Variants in TNFRSF10B observed in about 807,000 individuals in gnomAD.
TNFRSF10B encodes TNF receptor superfamily member 10b.
A neutral mutation model predicts 41.4 loss-of-function variants in TNFRSF10B; 35 were observed. The observed-to-expected ratio is 0.85, with a 90% CI of 0.65 to 1.12. The LOEUF (loss-of-function observed/expected upper bound fraction) is 1.12. Ranked by LOEUF, TNFRSF10B falls within the 50% of genes most tolerant of loss-of-function variation. The pLI, the probability that TNFRSF10B is intolerant of heterozygous loss-of-function variation, is 0.00. For missense variants in TNFRSF10B, 584 were observed against 552.7 expected, an observed-to-expected ratio of 1.06 and a Z score of -0.57; for synonymous variants, 230 against 215.5, an observed-to-expected ratio of 1.07 and a Z score of -0.59.
chr8:23,042,198 G>A (rs2128815547), intron 2 of TNFRSF10B, among the ~76,000 whole-genome samples: 1 of 152,340 alleles, frequency 6.6e-6, no homozygotes, highest in South Asian at 2.1e-4. Context: ...GTTTGTGTCT[G>A]CTTCACGCTG....
intron 1 of TNFRSF10B, among the ~76,000 whole-genome samples, chr8:23,051,131 T>G (rs749427248): frequency 1.6e-4 from 25 of 152,270 alleles, no homozygotes; most frequent in Admixed American, 3.3e-4. Flanking sequence ...CACTTATGTA[T>G]TTGTCTTGTG....
intron 1 of TNFRSF10B, among the ~76,000 whole-genome samples, chr8:23,063,111 G>T (rs1812877829): frequency 6.6e-6 from 1 of 152,154 alleles, no homozygotes; most frequent in Non-Finnish European, 1.5e-5. Context: ...CACTTTGGGA[G>T]GCCAAGGCGG....
intron 2 of TNFRSF10B, among the ~76,000 whole-genome samples, chr8:23,034,851 G>A (rs1261346862): frequency 2.6e-5 from 4 of 152,366 alleles, no homozygotes; most frequent in African/African-American, 7.2e-5. Context: ...TTTGGCCTGT[G>A]CCAAAGACAG....
chr8:23,049,070 T>A (rs1812445726), intron 1 of TNFRSF10B, among the ~76,000 whole-genome samples: 1 of 152,082 alleles, frequency 6.6e-6, no homozygotes, highest in Admixed American at 6.5e-5. Context: ...AAATAACAAG[T>A]GCTGGTGAGG....
intron 1 of TNFRSF10B, among the ~76,000 whole-genome samples, chr8:23,050,504 C>T (rs536699736): frequency 2.0e-5 from 3 of 152,094 alleles, no homozygotes; most frequent in South Asian, 2.1e-4. Flanking sequence ...AAAAGGCCTT[C>T]GTGTTTTTGG....
At chr8:23,060,833 A>G (rs1356328529) in intron 1 of TNFRSF10B, among the ~76,000 whole-genome samples, 1 of 152,120 alleles carries the variant, frequency 6.6e-6, no homozygotes, top group Non-Finnish European at 1.5e-5. Flanking sequence ...TTTTCATTGT[A>G]CTAGTCTTCC....
Position 23,020,354 on chromosome 8 carries a change from T to A in TNFRSF10B, c.*2317A>T. ...GGGATATAGCAAAGCCTAATGTAAC[T>A]AAACAACAAAACCCCCAATTATTTC... On this transcript the variant is annotated 3_prime_UTR_variant, in exon 9 of 9. Transcript: ENST00000276431. 1 of 454,040 alleles carries A rather than the reference T, an allele frequency of 2.2e-6. No homozygotes were observed. The highest frequency in any genetic ancestry group is 2.0e-5 in the African/African-American group (1 of 50,096). 28.1% of individuals were successfully genotyped at this position (454,040 alleles called of 1,614,324 possible).
chr8:23,021,720 T>C lies in TNFRSF10B; in HGVS notation c.*951A>G, dbSNP rs1811527856. The C allele has an allele frequency of 6.6e-6, 3 of 454,142 alleles. No homozygotes were observed. The highest frequency in any genetic ancestry group is 1.3e-5 in the Non-Finnish European group (3 of 226,788). The allele number at this position is 454,142 out of a possible 1,614,324, so 28.1% of individuals were successfully genotyped here. ...CAACTACCTATAAATAATACTCATA[T>C]ACTTGTAAGGTTGTCCAGTTCAAAA... On this transcript the variant is annotated 3_prime_UTR_variant, in exon 9 of 9. Transcript: ENST00000276431.
Position 23,030,748 on chromosome 8 carries a change from A to G in TNFRSF10B, c.364+11T>C, listed in dbSNP as rs755712057. On this transcript the variant is annotated intron_variant, in intron 3 of 8. Transcript: ENST00000276431. The stretch of plus-strand genomic sequence containing the variant: ...TTCCACCTTTAGGCATGGGGTCCAT[A>G]TGTTCTGTACCTGAATCACACCTGG... 2 of 1,604,582 alleles carry G rather than the reference A, an allele frequency of 1.2e-6. No individual in the cohort carries two copies. The highest frequency in any genetic ancestry group is 3.4e-5 in the Admixed American group (2 of 59,376).
chr8:23,027,930 A>G lies in TNFRSF10B; in HGVS notation c.749-177T>C, dbSNP rs143495297. 2,792 of 700,806 alleles carry G rather than the reference A, an allele frequency of 4.0e-3. 7 individuals carry two copies. The highest frequency in any genetic ancestry group is 5.4e-3 in the Non-Finnish European group (2,240 of 413,006). 43.4% of individuals were successfully genotyped at this position (700,806 alleles called of 1,614,324 possible). On this transcript the variant is annotated intron_variant, in intron 5 of 8. Coordinates refer to ENST00000276431, the MANE Select transcript of TNFRSF10B (RefSeq NM_003842.5). ...GACACCCTGAGGAAGGGGGATGAGA[A>G]GGGGAACTAGAGTAAAAACAAACAC...
chr8:23,041,355 C>T (rs943957699), intron 2 of TNFRSF10B, among the ~76,000 whole-genome samples: 3 of 151,334 alleles, frequency 2.0e-5, no homozygotes, highest in Non-Finnish European at 4.4e-5. Context: ...CTGCGCCCGG[C>T]GTTATATGGG....
At chr8:23,028,811 G>A (rs2128811915) in intron 4 of TNFRSF10B, among the ~76,000 whole-genome samples, 1 of 152,312 alleles carries the variant, frequency 6.6e-6, no homozygotes, top group Admixed American at 6.5e-5. Context: ...CGGCCTCCCT[G>A]CTCTGGGGTC....
At chr8:23,063,581 T>C (rs1812895702) in intron 1 of TNFRSF10B, among the ~76,000 whole-genome samples, 1 of 152,142 alleles carries the variant, frequency 6.6e-6, no homozygotes, top group Non-Finnish European at 1.5e-5. Flanking sequence ...CAAACCTCTT[T>C]CCTCTTCTTA....
At chr8:23,039,244 G>A (rs1277351376) in intron 2 of TNFRSF10B, among the ~76,000 whole-genome samples, 3 of 152,066 alleles carry the variant, frequency 2.0e-5, no homozygotes, top group Non-Finnish European at 4.4e-5. Flanking sequence ...ACCTCCTGCT[G>A]TGTGGCCTGG....
intron 1 of TNFRSF10B, among the ~76,000 whole-genome samples, chr8:23,054,590 A>T (rs1812609318): frequency 6.6e-6 from 1 of 152,220 alleles, no homozygotes; most frequent in Non-Finnish European, 1.5e-5. Context: ...TCCTTTAAGG[A>T]ATCAAACTTG....
intron 2 of TNFRSF10B, among the ~76,000 whole-genome samples, chr8:23,037,757 C>G (rs1812065349): frequency 6.6e-6 from 1 of 152,158 alleles, no homozygotes; most frequent in Non-Finnish European, 1.5e-5. Context: ...CCTTGAAGGG[C>G]TGCAACAAGG....
At chr8:23,067,920 TG>T (rs959552452) in intron 1 of TNFRSF10B, among the ~76,000 whole-genome samples, 1 of 152,196 alleles carries the variant, frequency 6.6e-6, no homozygotes, top group Non-Finnish European at 1.5e-5. Context: ...GAACCTCTCC[TG>T]GCCCCAAGCG....
intron 1 of TNFRSF10B, among the ~76,000 whole-genome samples, chr8:23,062,777 T>C (rs1438782835): frequency 6.6e-6 from 1 of 152,246 alleles, no homozygotes; most frequent in Non-Finnish European, 1.5e-5. Flanking sequence ...CATATTTTCA[T>C]ATGCATCAGT....
chr8:23,033,349 C>T (rs1208358409), intron 2 of TNFRSF10B, among the ~76,000 whole-genome samples: 1 of 152,046 alleles, frequency 6.6e-6, no homozygotes, highest in African/African-American at 2.4e-5. Flanking sequence ...CTCTGGGAGG[C>T]CGAGGCGGGC....
Sources: allele counts gnomAD v4.1 joint callset (sites outside exome capture counted in the v4.1 genomes callset), GRCh38; gene constraint gnomAD v4.1.1; transcripts MANE v1.5; gene names NCBI Gene and HGNC (gene_info 2026-07-23, HGNC 2026-07-21).